The following LTF variants were observed in gnomAD, a reference collection of about 807,000 sequenced individuals.
The protein encoded by LTF is epididymis luminal protein 110.
A neutral mutation model predicts 87.2 loss-of-function variants in LTF; 91 were observed. The ratio of observed to expected loss-of-function variants is 1.04; its 90% CI spans 0.88 to 1.24. The LOEUF (loss-of-function observed/expected upper bound fraction) is 1.24. LTF is among the 50% of genes most tolerant of loss of function. LTF has a pLI of 0.00. For missense variants in LTF, 901 were observed against 904.3 expected (o/e 1.00, Z 0.05); for synonymous variants, 378 against 356.1 (o/e 1.06, Z -0.69).
chr3:46,456,192 C>G (rs888469653), intron 3 of LTF, 98 bp downstream of exon 3: 25 of 1,115,624 alleles, frequency 2.2e-5, no homozygotes, highest in Non-Finnish European at 3.3e-5. Flanking sequence ...GTGATGTGAC[C>G]CAGACTCCAC....
chr3:46,445,130 G>T (rs909513996), intron 12 of LTF, 151 bp downstream of exon 12: 3 of 745,676 alleles, frequency 4.0e-6, no homozygotes, highest in Non-Finnish European at 6.3e-6. Flanking sequence ...GCCTCCAGGG[G>T]GCAGCCACAG....
rs762105089 is a variant in LTF, at chr3:46,448,880, A to G, written c.1195T>C (p.Cys399Arg). The G allele has an allele frequency of 3.7e-6, 6 of 1,613,342 alleles. No homozygotes were observed. Among genetic ancestry groups the G allele is most frequent in the Non-Finnish European group, 5.1e-6 (6 of 1,179,786 alleles). The part of the protein sequence containing the change: ...TCSSASTTED[C>R]IALVLKGEAD... ...CTCCCTACCAGCACCAGGGCGATGC[A>G]GTCCTCTGTGGTGGAGGCCGAGGAG... The change falls in exon 9 of 17, where the codon TGC becomes CGC. Residue 399 changes from cysteine (C) to arginine (R), a missense_variant. Transcript: ENST00000231751.
intron 2 of LTF, chr3:46,470,215 T>C (rs1306513580): frequency 6.6e-6 from 1 of 152,396 alleles, no homozygotes; most frequent in Non-Finnish European, 1.5e-5. Context: ...CCTTTGAGAA[T>C]GTACAGCAGG....
chr3:46,449,943 G>C lies in LTF; in HGVS notation c.968C>G (p.Ala323Gly). 3.1e-6 allele frequency: 5 copies of C among 1,614,162 alleles called. No homozygotes were observed. Among genetic ancestry groups the C allele is most frequent in the Non-Finnish European group, 4.2e-6 (5 of 1,180,020 alleles). The change falls in exon 8 of 17, where the codon GCC becomes GGC. Residue 323 changes from alanine to glycine, a missense_variant. Ala to Gly is a moderately conservative substitution (Grantham distance 60, BLOSUM62 0). Coordinates refer to ENST00000231751, the MANE Select transcript of LTF (RefSeq NM_002343.6). ...GQKDLLFKDS[A>G]IGFSRVPPRI... ...CGGGGGCACCCTCGAAAACCCAATG[G>C]CAGAGTCCTTGAACAGCAGATCTTT... is the stretch of plus-strand genomic sequence containing the variant.
At chr3:46,470,479 GATCAGCTGGAT>G (rs1559611066) in intron 1 of LTF, 7 of 152,214 alleles carry the variant, frequency 4.6e-5, no homozygotes, top group African/African-American at 1.7e-4. Flanking sequence ...GCAAGGACAA[GATCAGCTGGAT>G]CCTTCACTCA....
At chr3:46,465,756 C>T (rs1400875427), upstream of LTF, among the ~76,000 whole-genome samples, 3 of 152,184 alleles carry the variant, frequency 2.0e-5, no homozygotes. Flanking sequence ...GAATACATCT[C>T]GTAAATACAT....
At chr3:46,444,073 C>T (rs867920012) in intron 12 of LTF, among the ~76,000 whole-genome samples, 6 of 152,270 alleles carry the variant, frequency 3.9e-5, no homozygotes, top group Middle Eastern at 3.4e-3. Flanking sequence ...GAGTGTTGGG[C>T]GCCAGCTTCT....
intron 7 of LTF, 133 bp downstream of exon 7, chr3:46,450,362 A>T (rs1702773131): frequency 1.1e-6 from 1 of 922,718 alleles, no homozygotes; most frequent in Non-Finnish European, 1.7e-6. Flanking sequence ...CTGGGCAAGC[A>T]GCCCAATGCA....
chr3:46,474,623 C>T (rs1248964062), intron 1 of LTF, among the ~76,000 whole-genome samples: 1 of 152,112 alleles, frequency 6.6e-6, no homozygotes, highest in Non-Finnish European at 1.5e-5. Flanking sequence ...TTTATAGAGC[C>T]CTTTACCCAA....
intron 1 of LTF, among the ~76,000 whole-genome samples, chr3:46,480,913 C>T (rs1220226516): frequency 6.6e-6 from 1 of 152,208 alleles, no homozygotes; most frequent in East Asian, 1.9e-4. Context: ...CCAGGTGGGC[C>T]ATGGGGGCTG....
chr3:46,436,290 T>C, intron 16 of LTF, 61 bp from the exon 17 acceptor site: 2 of 1,442,216 alleles, frequency 1.4e-6, no homozygotes, highest in Non-Finnish European at 2.0e-6. Context: ...ACCAGTTATT[T>C]AATCCAATAA....
chr3:46,464,161 T>C (rs922361196), intron 1 of LTF, among the ~76,000 whole-genome samples: 1 of 152,180 alleles, frequency 6.6e-6, no homozygotes, highest in Non-Finnish European at 1.5e-5. Context: ...GGGAGTGCCC[T>C]CTGAGCACCC....
chr3:46,459,838 G>C lies in LTF; in HGVS notation c.44-19C>G. 6.6e-7 allele frequency: 1 copy of C among 1,507,068 alleles called. No homozygotes were observed. The highest frequency in any genetic ancestry group is 8.8e-7 in the Non-Finnish European group (1 of 1,133,442). 93.4% of individuals were successfully genotyped at this position (1,507,068 alleles called of 1,614,324 possible). ...CACAGTCCTGGGAGAGAGGGGCCAA[G>C]GAGTAAGGATTCAACCACTGACTGA... On this transcript the variant is annotated intron_variant, in intron 1 of 16. Coordinates refer to ENST00000231751, the MANE Select transcript of LTF (RefSeq NM_002343.6).
intron 6 of LTF, among the ~76,000 whole-genome samples, chr3:46,452,162 C>T (rs1390460644): frequency 1.3e-5 from 2 of 152,174 alleles, no homozygotes; most frequent in Non-Finnish European, 2.9e-5. Context: ...TAAAACTACT[C>T]AGAGGAGTAA....
chr3:46,454,479 T>C (rs1343784366), intron 5 of LTF, 119 bp from the exon 6 acceptor site: 6 of 918,950 alleles, frequency 6.5e-6, no homozygotes, highest in Non-Finnish European at 1.1e-5. Context: ...GGCAGGGCTC[T>C]GAAGCTTTGG....
chr3:46,451,841 C>G (rs191340440), intron 6 of LTF, among the ~76,000 whole-genome samples: 1 of 152,278 alleles, frequency 6.6e-6, no homozygotes, highest in Admixed American at 6.5e-5. Context: ...GTGATCCACC[C>G]GCCTCAGTCT....
chr3:46,463,730 G>A (rs1030885633), intron 1 of LTF: 3 of 886,992 alleles, frequency 3.4e-6, no homozygotes, highest in African/African-American at 1.8e-5. Flanking sequence ...CCCCTCCCAG[G>A]TGGCCCTAAC....
chr3:46,463,645 G>T, intron 1 of LTF: 1 of 985,534 alleles, frequency 1.0e-6, no homozygotes, highest in Non-Finnish European at 1.2e-6. Context: ...AAACCCAGTG[G>T]TGCAACTCTG....
chr3:46,481,182 C>A (rs1269931153), intron 1 of LTF, among the ~76,000 whole-genome samples: 1 of 152,208 alleles, frequency 6.6e-6, no homozygotes, highest in African/African-American at 2.4e-5. Context: ...AACTCACCAC[C>A]CTGCCTGGAT....
Sources: allele counts gnomAD v4.1 joint callset (sites outside exome capture counted in the v4.1 genomes callset), GRCh38; gene constraint gnomAD v4.1.1; transcripts MANE v1.5; gene names NCBI Gene and HGNC (gene_info 2026-07-23, HGNC 2026-07-21).